DDX41: variants seen among roughly 807,000 people sequenced by gnomAD.
DDX41 encodes DEAD-box helicase 41, also known as probable ATP-dependent RNA helicase DDX41.
DDX41 carries 50 observed loss-of-function variants against 78.8 expected under a neutral mutation model. That is an observed-to-expected ratio of 0.63 (90% CI 0.51 to 0.80). DDX41 has a LOEUF of 0.80. Ranked by LOEUF, DDX41 falls within the 30% of genes least tolerant of loss-of-function variation. The pLI is 0.00. For synonymous variants in DDX41, 381 were observed against 321.5 expected (o/e 1.19, Z -1.98); for missense variants, 633 against 849.2 (o/e 0.75, Z 3.16).
Position 177,516,203 on chromosome 5 carries a change from G to A in DDX41, c.299-10C>T. The A allele has an allele frequency of 6.2e-7, 1 of 1,614,088 alleles. No homozygotes were observed. On this transcript the variant is annotated splice_polypyrimidine_tract_variant and intron_variant, in intron 3 of 16. Coordinates refer to ENST00000330503, the MANE Select transcript of DDX41 (RefSeq NM_016222.4). ...GCAGACTCTTTGCGCGCTGAGAAAA[G>A]AAGTGGAAGATGTCAGACAGATACC...
At position 177,513,440 on chromosome 5, in the gene DDX41, C is replaced by T; in HGVS notation, c.1143G>A (p.Lys381=). The T allele has an allele frequency of 6.2e-7, 1 of 1,614,200 alleles. No homozygotes were observed. Among genetic ancestry groups the T allele is most frequent in the Non-Finnish European group, 8.5e-7 (1 of 1,180,030 alleles). Residue 381 remains lysine, a synonymous_variant, in exon 11 of 17, where the codon AAG becomes AAA. Transcript: ENST00000330503. This position sits in a 1 kb window ranked among gnomAD's most constrained non-coding sequence, Gnocchi z 4.6. The stretch of plus-strand genomic sequence containing the variant: ...GGGCACTCTTAGCAAAGTTCTGAAT[C>T]TTCTTCGGCATGGTGGCACTGAAGA... ...TLLFSATMPK[K]IQNFAKSALV...
chr5:177,516,636 G>C (rs775975007), intron 2 of DDX41, 89 bp downstream of exon 2: 12 of 1,427,610 alleles, frequency 8.4e-6, no homozygotes, highest in Non-Finnish European at 1.2e-5. Context: ...TCCTCAGACT[G>C]CCCTCCTCCC....
At position 177,511,905 on chromosome 5, in the gene DDX41, G is replaced by A. The variant is rs753613824; in HGVS notation, c.1755C>T (p.Cys585=). The A allele has an allele frequency of 1.5e-5, 25 of 1,613,822 alleles. 1 individual carries two copies. The Middle Eastern group carries it at 4.9e-4, about 32-fold the overall frequency. Residue 585 remains cysteine, a synonymous_variant, in exon 17 of 17, where the codon TGC becomes TGT. Transcript: ENST00000330503. ...CAGTGATCCGATGACCCAGGCCCCC[G>A]CAGAAGGCACAGCCGCGCTCTCCTG... ...DIGGERGCAF[C]GGLGHRITDC...
At position 177,514,743 on chromosome 5, in the gene DDX41, A is replaced by T. The variant is rs778667883; in HGVS notation, c.893T>A (p.Ile298Asn). The T allele has an allele frequency of 3.1e-6, 5 of 1,612,672 alleles. No individual in the cohort carries two copies. In the South Asian group the frequency reaches 5.5e-5, roughly 18 times the overall value. ...CTGCTCTTTCACGGACATGCCCCCA[A>T]TGCAGAGGGCGCAGCGCAGGAGTGG... Reference protein sequence around the residue: ...SSPLLRCALCIGGMSVKEQME... With the variant: ...SSPLLRCALCNGGMSVKEQME... Residue 298 changes from isoleucine (I) to asparagine (N), a missense_variant, in exon 9 of 17, where the codon ATT becomes AAT. Around this residue, in one of 6 missense-constraint regions of DDX41, gnomAD observed 151 missense variants for 169.2 expected, o/e 0.89. Transcript: ENST00000330503. This position sits in a 1 kb window ranked among gnomAD's most constrained non-coding sequence, Gnocchi z 4.2.
chr5:177,515,324 A>C lies in DDX41; in HGVS notation c.572-66T>G, dbSNP rs1406847304. The C allele has an allele frequency of 2.7e-6, 4 of 1,507,962 alleles. No homozygotes were observed. In the African/African-American group the frequency reaches 4.1e-5, roughly 16 times the overall value. 93.4% of individuals were successfully genotyped at this position (1,507,962 alleles called of 1,614,324 possible). On this transcript the variant is annotated intron_variant, in intron 6 of 16. Coordinates refer to ENST00000330503, the MANE Select transcript of DDX41 (RefSeq NM_016222.4). ...ACTTTCTCAGAGCCCCAAAGCCTGTAAAACTGGCACTACCCCTACAAGTTG... is the reference window on the plus strand; with the variant it reads ...ACTTTCTCAGAGCCCCAAAGCCTGTCAAACTGGCACTACCCCTACAAGTTG...
rs746845179 is a variant in DDX41, at chr5:177,512,602, GC to G, written c.1442del (p.Gly481AlafsTer6). 6.2e-7 allele frequency: 1 copy of G among 1,614,164 alleles called. No homozygotes were observed. Among genetic ancestry groups the G allele is most frequent in the Non-Finnish European group, 8.5e-7 (1 of 1,180,032 alleles). ...CTGTGGCTACTAGGACATCCTTCTT[GC>G]CCTCCCGGAATGCCTCGATGGCCTT... ...RTKAIEAFREGKKDVLVATDV... is the reference protein window; with the variant it reads ...RTKAIEAFREXKKDVLVATDV... On this transcript the variant is annotated frameshift_variant, in exon 14 of 17. Transcript: ENST00000330503. LOFTEE classifies it high-confidence loss of function.
chr5:177,513,363 T>C lies in DDX41; in HGVS notation c.1220A>G (p.Asp407Gly). 6.2e-7 allele frequency: 1 copy of C among 1,614,016 alleles called. No homozygotes were observed. The highest frequency in any genetic ancestry group is 8.5e-7 in the Non-Finnish European group (1 of 1,180,010). The change falls in exon 11 of 17, where the codon GAT (aspartate) becomes GGT (glycine). Residue 407 changes from aspartate to glycine, a missense_variant. Asp to Gly is a moderately conservative substitution (Grantham distance 94). Transcript: ENST00000330503. The surrounding 1 kb of genome is among the most constrained non-coding windows in gnomAD (Gnocchi z 4.6). ...NVGRAGAASLDVIQEVEYVKE... is the reference protein window; with the variant it reads ...NVGRAGAASLGVIQEVEYVKE... The stretch of plus-strand genomic sequence containing the variant: ...GGAGCACCTGCCCACCTGGATGACA[T>C]CCAGGCTGGCAGCCCCAGCGCGCCC...
chr5:177,513,754 C>A lies in DDX41; in HGVS notation c.1029G>T (p.Leu343=), dbSNP rs776202499. The A allele has an allele frequency of 6.2e-7, 1 of 1,613,916 alleles. No individual in the cohort carries two copies. Among genetic ancestry groups the A allele is most frequent in the Non-Finnish European group, 8.5e-7 (1 of 1,180,012 alleles). Reference sequence around the variant, plus strand: ...TGTCGATCATGCGGTCAGCCTCGTCCAGGGCCAGGTAGCGACAGATGTCTA... The same window carrying A: ...TGTCGATCATGCGGTCAGCCTCGTCAAGGGCCAGGTAGCGACAGATGTCTA... ...VSLDICRYLA[L]DEADRMIDMG... The change falls in exon 10 of 17, where the codon CTG becomes CTT. Residue 343 remains leucine (L), a synonymous_variant. Coordinates refer to ENST00000330503, the MANE Select transcript of DDX41 (RefSeq NM_016222.4). The surrounding 1 kb of genome is among the most constrained non-coding windows in gnomAD (Gnocchi z 4.6).
intron 12 of DDX41, 49 bp downstream of exon 12, chr5:177,512,962 C>T (rs1761045479): frequency 6.2e-7 from 1 of 1,610,660 alleles, no homozygotes; most frequent in Non-Finnish European, 8.5e-7. Flanking sequence ...CTCCAAAGCC[C>T]TCCCTGGTCC....
Position 177,514,329 on chromosome 5 carries a change from A to G in DDX41, c.935+372T>C. ...TGCCGCTGGGATCCAGCCCTACCCC[A>G]GTGCCTCAACCTCCTTGACTGACCA... On this transcript the variant is annotated intron_variant, in intron 9 of 16. Coordinates refer to ENST00000330503, the MANE Select transcript of DDX41 (RefSeq NM_016222.4). This position sits in a 1 kb window ranked among gnomAD's most constrained non-coding sequence, Gnocchi z 4.2. 1 of 473,998 alleles carries G rather than the reference A, an allele frequency of 2.1e-6. No homozygotes were observed. Among genetic ancestry groups the G allele is most frequent in the South Asian group, 1.7e-5 (1 of 59,690 alleles). 29.4% of individuals were successfully genotyped at this position (473,998 alleles called of 1,614,324 possible). A position where few individuals can be genotyped will look rare whatever the true frequency, so the allele number is the denominator to read the frequency against.
In DDX41 at chr5:177,512,195, G is replaced by A; in HGVS notation, c.1633C>T (p.Leu545=). The change falls in exon 16 of 17, where the codon CTG becomes TTG. Residue 545 remains leucine, a synonymous_variant. Coordinates refer to ENST00000330503, the MANE Select transcript of DDX41 (RefSeq NM_016222.4). The part of the protein sequence containing the change: ...FINKACDESV[L]MDLKALLLEA... ...AGCAGCAGCGCTTTGAGGTCCATCA[G>A]CACTGACTCATCTGGGGGAGGAGTG... The A allele has an allele frequency of 6.2e-7, 1 of 1,613,720 alleles. No individual in the cohort carries two copies. Among genetic ancestry groups the A allele is most frequent in the Non-Finnish European group, 8.5e-7 (1 of 1,180,016 alleles).
At position 177,516,789 on chromosome 5, in the gene DDX41, G is replaced by C. The variant is rs752211686; in HGVS notation, c.74C>G (p.Ala25Gly). ...GTAGTCCTCGTCGTCCTCATCTTCC[G>C]CCTCGGAGCGGCTTCCTCCGGCAGG... ...EVPAGGSRSE[A>G]EDEDDEDYVP... The change falls in exon 2 of 17, where the codon GCG becomes GGG. Residue 25 changes from alanine (A) to glycine (G), a missense_variant. This residue lies in a region of DDX41 where 140 missense variants were observed against 115.2 expected (regional missense o/e 1.22). Coordinates refer to ENST00000330503, the MANE Select transcript of DDX41 (RefSeq NM_016222.4). The C allele has an allele frequency of 1.2e-6, 2 of 1,612,592 alleles. No homozygotes were observed. The highest frequency in any genetic ancestry group is 1.7e-6 in the Non-Finnish European group (2 of 1,179,784).
rs192781459 is a variant in DDX41, at chr5:177,512,286, A to C, written c.1621+36T>G. On this transcript the variant is annotated intron_variant, in intron 15 of 16. Transcript: ENST00000330503. ...CTGGGTGGCCACAGGCAGGGGACCC[A>C]GGGAACAGCTAAGGTGGCGCTGGTA... 1.2e-3 allele frequency: 1,910 copies of C among 1,613,954 alleles called. 41 individuals are homozygous for C. In the Admixed American group the frequency reaches 0.028, roughly 24 times the overall value.
At position 177,513,672 on chromosome 5, in the gene DDX41, G is replaced by C; in HGVS notation, c.1098+13C>G. ...GGGCGGTGCAGGGTGCCCTGGCCGG[G>C]CGGGGGCGGCACCTTGAAGTAGGAG... On this transcript the variant is annotated intron_variant, in intron 10 of 16. Transcript: ENST00000330503. The surrounding 1 kb of genome is among the most constrained non-coding windows in gnomAD (Gnocchi z 4.6). 2 of 1,612,954 alleles carry C rather than the reference G, an allele frequency of 1.2e-6. No individual in the cohort carries two copies. Among genetic ancestry groups the C allele is most frequent in the Non-Finnish European group, 1.7e-6 (2 of 1,179,860 alleles).
At position 177,513,247 on chromosome 5, in the gene DDX41, C is replaced by T. The variant is rs1356614632; in HGVS notation, c.1230+106G>A. ...TAAGCGTCAGGGGCTTTGAATGAAA[C>T]CCCCGGTTCCCACAAGGTGGACCCC... On this transcript the variant is annotated intron_variant, in intron 11 of 16. Transcript: ENST00000330503. The surrounding 1 kb of genome is among the most constrained non-coding windows in gnomAD (Gnocchi z 4.6). 6.4e-7 allele frequency: 1 copy of T among 1,556,942 alleles called. No homozygotes were observed. Among genetic ancestry groups the T allele is most frequent in the Non-Finnish European group, 8.7e-7 (1 of 1,144,638 alleles).
In DDX41 at chr5:177,514,415, C is replaced by T. The variant is rs1761127363; in HGVS notation, c.935+286G>A. The T allele has an allele frequency of 1.9e-6, 1 of 527,444 alleles. No individual in the cohort carries two copies. Among genetic ancestry groups the T allele is most frequent in the South Asian group, 2.0e-5 (1 of 49,972 alleles). 32.7% of individuals were successfully genotyped at this position (527,444 alleles called of 1,614,324 possible). On this transcript the variant is annotated intron_variant, in intron 9 of 16. Transcript: ENST00000330503. The surrounding 1 kb of genome is among the most constrained non-coding windows in gnomAD (Gnocchi z 4.2). ...TGTGCTTTCAGCCTGGACTGCCCCT[C>T]TTCCCAATTCAAATGTCACCTTCCC...
In DDX41 at chr5:177,513,737, A is replaced by T. The variant is rs775327364; in HGVS notation, c.1046T>A (p.Met349Lys). The T allele has an allele frequency of 3.1e-6, 5 of 1,613,740 alleles. No homozygotes were observed. Among genetic ancestry groups the T allele is most frequent in the Non-Finnish European group, 4.2e-6 (5 of 1,180,024 alleles). The change falls in exon 10 of 17, where the codon ATG becomes AAG. Residue 349 changes from methionine (M) to lysine (K), a missense_variant. This residue lies in a region of DDX41 where 151 missense variants were observed against 169.2 expected (regional missense o/e 0.89). Coordinates refer to ENST00000330503, the MANE Select transcript of DDX41 (RefSeq NM_016222.4). This position sits in a 1 kb window ranked among gnomAD's most constrained non-coding sequence, Gnocchi z 4.6. The stretch of plus-strand genomic sequence containing the variant: ...GTCACCCTCGAAGCCCATGTCGATC[A>T]TGCGGTCAGCCTCGTCCAGGGCCAG... The part of the protein sequence containing the change: ...RYLALDEADR[M>K]IDMGFEGDIR...
At chr5:177,515,857 G>C in intron 5 of DDX41, 36 bp from the exon 6 acceptor site, 3 of 1,614,160 alleles carry the variant, frequency 1.9e-6, no homozygotes, top group Non-Finnish European at 2.5e-6. Flanking sequence ...AGAGCCCTGG[G>C]AATAGCTGGC....
rs758799936 is a variant in DDX41, at chr5:177,513,508, C to T, written c.1099-24G>A. 2 of 1,613,976 alleles carry T rather than the reference C, an allele frequency of 1.2e-6. No homozygotes were observed. The highest frequency in any genetic ancestry group is 2.2e-5 in the South Asian group (2 of 91,076). Reference sequence around the variant, plus strand: ...CCCTGAGGAAGAGGGGGGCTGCGACCAAGGGCACACAGGGCTGGGCTGAGG... The same window carrying T: ...CCCTGAGGAAGAGGGGGGCTGCGACTAAGGGCACACAGGGCTGGGCTGAGG... On this transcript the variant is annotated intron_variant, in intron 10 of 16. Transcript: ENST00000330503. This position sits in a 1 kb window ranked among gnomAD's most constrained non-coding sequence, Gnocchi z 4.6.
Sources: allele counts gnomAD v4.1 joint callset, GRCh38; gene constraint gnomAD v4.1.1; regional missense constraint gnomAD v4.1.1; non-coding constraint Gnocchi (gnomAD v3.1); transcripts MANE v1.5; gene names NCBI Gene and HGNC (gene_info 2026-07-23, HGNC 2026-07-21).